Variants in HADH observed in about 807,000 individuals in gnomAD.
HADH encodes hydroxyacyl-CoA dehydrogenase.
HADH carries 24 observed loss-of-function variants against 32.2 expected under a neutral mutation model. That is an observed-to-expected ratio of 0.75 (90% confidence interval 0.54 to 1.05). The LOEUF is 1.05. HADH is among the 50% of genes least tolerant of loss of function. HADH has a pLI of 0.00. For synonymous variants in HADH, 139 were observed against 152.5 expected, an observed-to-expected ratio of 0.91 and a Z score of 0.65; for missense variants, 350 against 397.1, an observed-to-expected ratio of 0.88 and a Z score of 1.01.
Position 108,027,568 on chromosome 4 carries a change from A to G in HADH, c.637-120A>G, listed in dbSNP as rs1334184859. The G allele has an allele frequency of 6.6e-6, 5 of 758,456 alleles. No individual in the cohort carries two copies. In the African/African-American group the frequency reaches 6.8e-5, roughly 10 times the overall value. 47.0% of individuals were successfully genotyped at this position (758,456 alleles called of 1,614,324 possible). ...GCCATGCTGCAAATTTTGAAAATGT[A>G]CAGCTTGATAAATGGGGGCAAACAT... On this transcript the variant is annotated intron_variant, in intron 5 of 7. Transcript: ENST00000309522.
intron 1 of HADH, among the ~76,000 whole-genome samples, chr4:108,003,045 G>C (rs754336899): frequency 6.6e-6 from 1 of 150,550 alleles, no homozygotes; most frequent in Non-Finnish European, 1.5e-5. Flanking sequence ...CCAAGACATA[G>C]AGGCTTCGTA....
intron 4 of HADH, among the ~76,000 whole-genome samples, chr4:108,021,788 G>A (rs1279789843): frequency 1.3e-5 from 2 of 152,164 alleles, no homozygotes; most frequent in East Asian, 3.9e-4. Flanking sequence ...CTGGGATTCT[G>A]TTTGATTTGT....
Position 108,009,815 on chromosome 4 carries a change from G to A in HADH, c.189G>A (p.Leu63=). ...VVLVDQTEDI[L]AKSKKGIEES... is the part of the protein sequence containing the mutation. ...TGGTAGACCAGACAGAGGACATCCT[G>A]GCAAAATCCAAAAAGGGAATTGAGG... The change falls in exon 2 of 8, where the codon CTG becomes CTA. Residue 63 remains leucine (L), a synonymous_variant. Coordinates refer to ENST00000309522, the MANE Select transcript of HADH (RefSeq NM_005327.7). 1 of 1,611,726 alleles carries A rather than the reference G, an allele frequency of 6.2e-7. No individual in the cohort carries two copies. Among genetic ancestry groups the A allele is most frequent in the Non-Finnish European group, 8.5e-7 (1 of 1,177,908 alleles).
chr4:108,033,409 C>T, intron 7 of HADH, 117 bp downstream of exon 7: 1 of 729,604 alleles, frequency 1.4e-6, no homozygotes, highest in Non-Finnish European at 2.5e-6. Flanking sequence ...CAAAATCCTG[C>T]CTCACCAGGT....
At chr4:108,019,428 C>G in intron 3 of HADH, 112 bp from the exon 4 acceptor site, 1 of 913,530 alleles carries the variant, frequency 1.1e-6, no homozygotes, top group Non-Finnish European at 1.8e-6. Context: ...CCCAATGGGT[C>G]AGGACAACAG....
At chr4:108,019,908 G>T (rs1417962311) in intron 4 of HADH, among the ~76,000 whole-genome samples, 1 of 152,182 alleles carries the variant, frequency 6.6e-6, no homozygotes, top group Non-Finnish European at 1.5e-5. Context: ...ACTTATTTGT[G>T]CCAGAGCTGA....
At chr4:108,022,570 G>A (rs1381713864) in intron 4 of HADH, among the ~76,000 whole-genome samples, 1 of 152,118 alleles carries the variant, frequency 6.6e-6, no homozygotes, top group East Asian at 1.9e-4. Context: ...AGTCATGGGA[G>A]AAATACTCAG....
chr4:108,001,527 T>G (rs531968098), intron 1 of HADH, among the ~76,000 whole-genome samples: 15 of 152,342 alleles, frequency 9.8e-5, no homozygotes, highest in African/African-American at 3.6e-4. Context: ...GGCATTGACT[T>G]TAGCAATTTA....
chr4:108,022,177 GTGTGTGTGTGTA>G (rs1019204177), intron 4 of HADH, among the ~76,000 whole-genome samples: 2 of 147,934 alleles, frequency 1.4e-5, no homozygotes, highest in East Asian at 2.0e-4. Flanking sequence ...ATGTGTGTGT[GTGTGTGTGTGTA>G]TGTGTGTGTG....
At chr4:107,991,460 T>G (rs914439449) in intron 1 of HADH, among the ~76,000 whole-genome samples, 1 of 152,218 alleles carries the variant, frequency 6.6e-6, no homozygotes, top group Non-Finnish European at 1.5e-5. Context: ...TTGGCAAGTT[T>G]TTTACAACGT....
chr4:108,007,629 GA>G (rs1735334103), intron 1 of HADH, among the ~76,000 whole-genome samples: 1 of 152,186 alleles, frequency 6.6e-6, no homozygotes, highest in Admixed American at 6.5e-5. Context: ...CCAAATGAGA[GA>G]AAGGAATAGC....
chr4:108,021,223 A>T (rs776848262), intron 4 of HADH, among the ~76,000 whole-genome samples: 1 of 152,240 alleles, frequency 6.6e-6, no homozygotes, highest in African/African-American at 2.4e-5. Context: ...TTTAGTTATT[A>T]TATTGTATAT....
chr4:108,033,363 TA>T, intron 7 of HADH, 71 bp downstream of exon 7: 2 of 849,668 alleles, frequency 2.4e-6, no homozygotes, highest in Non-Finnish European at 4.1e-6. Context: ...AATGCCTTTT[TA>T]AAAAAAGTTA....
chr4:108,034,091 G>T (rs556894886), intron 7 of HADH, 148 bp from the exon 8 acceptor site: 2 of 735,596 alleles, frequency 2.7e-6, no homozygotes, highest in South Asian at 2.8e-5. Context: ...AGCCTTCCTT[G>T]GTGCCTCTGC....
At chr4:108,015,726 A>G (rs1415377520) in intron 3 of HADH, among the ~76,000 whole-genome samples, 1 of 152,200 alleles carries the variant, frequency 6.6e-6, no homozygotes, top group Non-Finnish European at 1.5e-5. Context: ...GGGTCCATCC[A>G]GGGACAGGCC....
intron 6 of HADH, 96 bp from the exon 7 acceptor site, chr4:108,033,080 A>G: frequency 1.3e-6 from 1 of 788,492 alleles, no homozygotes; most frequent in South Asian, 1.3e-5. Flanking sequence ...TTTATTGTGC[A>G]AGCATATAAA....
intron 4 of HADH, among the ~76,000 whole-genome samples, chr4:108,020,881 C>T (rs1735865453): frequency 6.6e-6 from 1 of 152,150 alleles, no homozygotes; most frequent in Admixed American, 6.6e-5. Context: ...ACTACCTTTT[C>T]CTTCCTTTAT....
At chr4:108,019,719 C>G in intron 4 of HADH, 53 bp downstream of exon 4, 15 of 1,609,254 alleles carry the variant, frequency 9.3e-6, no homozygotes, top group Non-Finnish European at 1.3e-5. Context: ...CTCTCTCAGT[C>G]CTGCTTTTCT....
chr4:108,002,184 C>A (rs1036380772), intron 1 of HADH, among the ~76,000 whole-genome samples: 11 of 152,164 alleles, frequency 7.2e-5, no homozygotes. Flanking sequence ...AACTTCTGGT[C>A]CGTGGCCCAT....
Sources: allele counts gnomAD v4.1 joint callset (sites outside exome capture counted in the v4.1 genomes callset), GRCh38; gene constraint gnomAD v4.1.1; transcripts MANE v1.5; gene names NCBI Gene and HGNC (gene_info 2026-07-23, HGNC 2026-07-21).